Variants in LVRN observed in about 807,000 individuals in gnomAD.
LVRN encodes the protein aminopeptidase Q.
Under a neutral mutation model 111.4 loss-of-function variants are expected in LVRN, and 99 were observed. The observed-to-expected ratio is 0.89, with a 90% CI of 0.76 to 1.05. The LOEUF is 1.05. Ranked by LOEUF, LVRN falls within the 50% of genes least tolerant of loss-of-function variation. The pLI, the probability that LVRN is intolerant of heterozygous loss-of-function variation, is 0.00. For synonymous variants in LVRN, 488 were observed against 449.5 expected (o/e 1.09, Z -1.08); for missense variants, 1,414 against 1,206.8 (o/e 1.17, Z -2.54).
intron 12 of LVRN, among the ~76,000 whole-genome samples, chr5:116,004,312 T>G (rs1163342417): frequency 6.6e-6 from 1 of 152,226 alleles, no homozygotes; most frequent in Non-Finnish European, 1.5e-5. Flanking sequence ...TGGATTAAAC[T>G]AAATTTCCAT....
At chr5:115,963,629 G>GTTC (rs549025355) in intron 1 of LVRN, among the ~76,000 whole-genome samples, 2 of 152,124 alleles carry the variant, frequency 1.3e-5, no homozygotes, top group Non-Finnish European at 2.9e-5. Context: ...AACAGCGCAT[G>GTTC]TTCTCACCCA....
chr5:115,980,947 T>A (rs1379044600), intron 1 of LVRN, among the ~76,000 whole-genome samples: 1 of 152,236 alleles, frequency 6.6e-6, no homozygotes, highest in Non-Finnish European at 1.5e-5. Context: ...AGAATCACAG[T>A]TTTAGAGTTC....
intron 1 of LVRN, among the ~76,000 whole-genome samples, chr5:115,972,180 C>T (rs967349842): frequency 3.9e-5 from 6 of 151,986 alleles, no homozygotes; most frequent in African/African-American, 7.3e-5. Flanking sequence ...GATAAATGAG[C>T]TTCATTAAAA....
In LVRN at chr5:115,992,032, GGTA is replaced by G. The variant is rs1360398254; in HGVS notation, c.1106-90_1106-88del. 5.7e-6 allele frequency: 7 copies of G among 1,238,700 alleles called. No individual in the cohort carries two copies. In the African/African-American group the frequency reaches 1.1e-4, roughly 19 times the overall value. The allele number at this position is 1,238,700 out of a possible 1,614,324, so 76.7% of individuals were successfully genotyped here. A position where few individuals can be genotyped will look rare whatever the true frequency, so the allele number is the denominator to read the frequency against. ...TTATAAATATTCCCTTGAATTTTTTGGTAATTTTATGATTTCATTTTGAGATAT... is the reference window on the plus strand; with the variant it reads ...TTATAAATATTCCCTTGAATTTTTTGATTTTATGATTTCATTTTGAGATAT... On this transcript the variant is annotated intron_variant, in intron 4 of 19. Transcript: ENST00000357872.
chr5:115,968,601 C>A (rs1231491150), intron 1 of LVRN, among the ~76,000 whole-genome samples: 1 of 152,032 alleles, frequency 6.6e-6, no homozygotes, highest in African/African-American at 2.4e-5. Context: ...TGGTCCCCCA[C>A]CCTTTTTGAT....
intron 15 of LVRN, 53 bp from the exon 16 acceptor site, chr5:116,014,367 A>G: frequency 8.0e-7 from 1 of 1,251,066 alleles, no homozygotes; most frequent in Non-Finnish European, 1.2e-6. Flanking sequence ...GAGGCAGAGA[A>G]AATGAAGGTG....
chr5:115,987,827 C>G lies in LVRN; in HGVS notation c.993C>G (p.Ala331=), dbSNP rs1747901797. Residue 331 remains alanine (A), a synonymous_variant, in exon 4 of 20, where the codon GCC becomes GCG. Coordinates refer to ENST00000357872, the MANE Select transcript of LVRN (RefSeq NM_173800.5). The stretch of plus-strand genomic sequence containing the variant: ...TTTTGATTTAGATACGCATCTGGGC[C>G]CGGAAAGATGCAATTGCAAATGGAA... ...TERGKEIRIW[A]RKDAIANGSA... 1 of 1,612,258 alleles carries G rather than the reference C, an allele frequency of 6.2e-7. No homozygotes were observed. Among genetic ancestry groups the G allele is most frequent in the Admixed American group, 1.7e-5 (1 of 59,786 alleles).
chr5:116,016,678 A>T (rs1418690575), intron 18 of LVRN, among the ~76,000 whole-genome samples: 2 of 152,224 alleles, frequency 1.3e-5, no homozygotes, highest in Non-Finnish European at 2.9e-5. Flanking sequence ...GCCCTGCAGA[A>T]GGAAACCTAG....
At chr5:115,995,661 C>G (rs1748092594) in intron 6 of LVRN, 1 of 152,148 alleles carries the variant, frequency 6.6e-6, no homozygotes, top group African/African-American at 2.4e-5. Flanking sequence ...CTGTATTTAC[C>G]ATTCAGTGAG....
intron 13 of LVRN, among the ~76,000 whole-genome samples, chr5:116,009,374 A>T (rs939474315): frequency 1.3e-5 from 2 of 152,202 alleles, no homozygotes; most frequent in African/African-American, 4.8e-5. Flanking sequence ...ATGCCCACTA[A>T]CACAATATCA....
chr5:116,010,215 C>T (rs1416030521), intron 13 of LVRN, among the ~76,000 whole-genome samples: 2 of 152,142 alleles, frequency 1.3e-5, no homozygotes, highest in Non-Finnish European at 2.9e-5. Context: ...GCCATTGCTA[C>T]TTAATAGGCT....
chr5:115,972,218 C>T (rs573183238), intron 1 of LVRN, among the ~76,000 whole-genome samples: 46 of 152,126 alleles, frequency 3.0e-4, no homozygotes, highest in African/African-American at 1.1e-3. Flanking sequence ...TTGAAAGACA[C>T]TGTTAAAAGA....
At chr5:115,999,292 T>A (rs1289178454) in intron 6 of LVRN, among the ~76,000 whole-genome samples, 1 of 152,240 alleles carries the variant, frequency 6.6e-6, no homozygotes, top group Non-Finnish European at 1.5e-5. Context: ...ATTTTATGGA[T>A]TTATTTTCAA....
At chr5:115,966,153 C>G (rs190892819) in intron 1 of LVRN, among the ~76,000 whole-genome samples, 306 of 152,216 alleles carry the variant, frequency 2.0e-3, no homozygotes, top group Non-Finnish European at 3.7e-3. Flanking sequence ...CAAAAACTAC[C>G]ACAATAAAGA....
intron 3 of LVRN, among the ~76,000 whole-genome samples, chr5:115,985,896 G>T (rs908166230): frequency 1.3e-5 from 2 of 152,178 alleles, no homozygotes; most frequent in Non-Finnish European, 2.9e-5. Flanking sequence ...AGGCCCTATA[G>T]CTCGCTAACA....
intron 14 of LVRN, among the ~76,000 whole-genome samples, chr5:116,011,999 A>G (rs1440485049): frequency 6.6e-6 from 1 of 152,006 alleles, no homozygotes; most frequent in Non-Finnish European, 1.5e-5. Flanking sequence ...AGGCTATTTT[A>G]TATTTTTACA....
chr5:115,985,786 C>T (rs1014200699), intron 3 of LVRN, among the ~76,000 whole-genome samples: 1 of 152,184 alleles, frequency 6.6e-6, no homozygotes, highest in Non-Finnish European at 1.5e-5. Context: ...ATATGGAGGT[C>T]GTGCTGGCAG....
At chr5:115,974,968 A>G (rs1753409331) in intron 1 of LVRN, 2 of 413,638 alleles carry the variant, frequency 4.8e-6, no homozygotes, top group Admixed American at 2.9e-5. Context: ...CCTTTTGGGA[A>G]ATGAAGATAA....
Position 115,962,493 on chromosome 5 carries a change from C to G in LVRN, c.-125C>G. On this transcript the variant is annotated 5_prime_UTR_variant, in exon 1 of 20. Transcript: ENST00000357872. ...GAGCTCCAGTCCGTCCAGGCTCTTC[C>G]AGGAGGAAGAGGCACGATACAAGAG... 2.3e-6 allele frequency: 2 copies of G among 877,002 alleles called. No homozygotes were observed. Among genetic ancestry groups the G allele is most frequent in the Non-Finnish European group, 3.6e-6 (2 of 562,280 alleles). 54.3% of individuals were successfully genotyped at this position (877,002 alleles called of 1,614,324 possible). A position where few individuals can be genotyped will look rare whatever the true frequency, so the allele number is the denominator to read the frequency against.
Sources: gnomAD v4.1 joint callset for allele counts (sites outside exome capture counted in the v4.1 genomes callset) on GRCh38, gnomAD v4.1.1 for gene constraint, MANE v1.5 for transcripts, NCBI Gene and HGNC (gene_info 2026-07-23, HGNC 2026-07-21) for gene names.